The following ZKSCAN1 variants were observed in gnomAD, a reference collection of about 807,000 sequenced individuals.
The protein encoded by ZKSCAN1 is zinc finger protein with KRAB and SCAN domains 1.
In ZKSCAN1, 14 loss-of-function variants were observed where a neutral mutation model predicts 51.6. That is an observed-to-expected ratio of 0.27 (90% CI 0.18 to 0.42). ZKSCAN1 has a LOEUF of 0.42. Among genes scored for constraint, ZKSCAN1 ranks in the 10% least tolerant of loss-of-function variants. ZKSCAN1 has a pLI of 1.00. For missense variants in ZKSCAN1, 531 were observed against 710.0 expected, an observed-to-expected ratio of 0.75 and a Z score of 2.86; for synonymous variants, 263 against 261.5, an observed-to-expected ratio of 1.01 and a Z score of -0.06.
Position 100,036,233 on chromosome 7 carries a change from T to A in ZKSCAN1, c.*2036T>A, listed in dbSNP as rs573837720. ...CATCAGCATTACTTGGGAAAACGTG[T>A]TGCAAGTCAACCAGTCACTAGGATA... is the stretch of plus-strand genomic sequence containing the variant. On this transcript the variant is annotated 3_prime_UTR_variant, in exon 6 of 6. Coordinates refer to ENST00000324306, the MANE Select transcript of ZKSCAN1 (RefSeq NM_003439.4). The A allele has an allele frequency of 1.0e-6, 1 of 985,410 alleles. No individual in the cohort carries two copies. The highest frequency in any genetic ancestry group is 1.7e-5 in the African/African-American group (1 of 57,364). The allele number at this position is 985,410 out of a possible 1,614,324, so 61.0% of individuals were successfully genotyped here.
In ZKSCAN1 at chr7:100,029,616, C is replaced by T. The variant is rs184697996; in HGVS notation, c.581-245C>T. Among the ~76,000 whole-genome samples, 7 of 152,214 alleles carry T rather than the reference C, an allele frequency of 4.6e-5. No individual in the cohort carries two copies. The East Asian group carries it at 1.4e-3, about 29-fold the overall frequency. On this transcript the variant is annotated intron_variant, in intron 3 of 5. Transcript: ENST00000324306. ...GCAGTCTCAGGGACTCAAGTTTCCC[C>T]TTCTTTAAAATAAAAGGGTTGGACC...
chr7:100,043,584 G>A (rs1022515702), downstream of ZKSCAN1, among the ~76,000 whole-genome samples: 1 of 150,988 alleles, frequency 6.6e-6, no homozygotes, highest in Non-Finnish European at 1.5e-5. Context: ...ATGTTGCCCA[G>A]GCTGGTCTCA....
chr7:100,024,143 T>C lies in ZKSCAN1; in HGVS notation c.427-11T>C. On this transcript the variant is annotated splice_polypyrimidine_tract_variant and intron_variant, in intron 2 of 5. Coordinates refer to ENST00000324306, the MANE Select transcript of ZKSCAN1 (RefSeq NM_003439.4). ...GTGATTTACCCACAAGCCCAACCTG[T>C]CTGTCTTCAGGTCCCAGGTCAAGTT... is the stretch of plus-strand genomic sequence containing the variant. 6.2e-7 allele frequency: 1 copy of C among 1,603,742 alleles called. No homozygotes were observed. Among genetic ancestry groups the C allele is most frequent in the Non-Finnish European group, 8.5e-7 (1 of 1,175,274 alleles).
Position 100,033,345 on chromosome 7 carries a change from G to A in ZKSCAN1, c.840G>A (p.Lys280=). 1 of 1,613,260 alleles carries A rather than the reference G, an allele frequency of 6.2e-7. No individual in the cohort carries two copies. The highest frequency in any genetic ancestry group is 8.5e-7 in the Non-Finnish European group (1 of 1,179,822). Residue 280 remains lysine (K), a synonymous_variant, in exon 6 of 6, where the codon AAG becomes AAA. Transcript: ENST00000324306. The surrounding 1 kb of genome is among the most constrained non-coding windows in gnomAD (Gnocchi z 4.1). ...NRNENEESTS[K]AETSEDSASR... ...ATGAGAACGAGGAGTCAACCTCAAAGGCTGAAACCTCGGAAGATTCAGCAT... is the reference window on the plus strand; with the variant it reads ...ATGAGAACGAGGAGTCAACCTCAAAAGCTGAAACCTCGGAAGATTCAGCAT...
rs943481502 is a variant in ZKSCAN1 at position 100,034,156 on chromosome 7, T to C, written c.1651T>C (p.Ser551Pro). 6.5e-7 allele frequency: 1 copy of C among 1,537,330 alleles called. No homozygotes were observed. The highest frequency in any genetic ancestry group is 8.7e-7 in the Non-Finnish European group (1 of 1,148,686). The change falls in exon 6 of 6, where the codon TCC becomes CCC. Residue 551 changes from serine (S) to proline (P), a missense_variant. Ser to Pro is a moderately conservative substitution (Grantham distance 74). Around this residue, in one of 2 missense-constraint regions of ZKSCAN1, gnomAD observed 128 missense variants for 219.5 expected, o/e 0.58. Transcript: ENST00000324306. ...RERASEYSPA[S>P]LDAFGAFLKS... Reference sequence around the variant, plus strand: ...GAGAGCCTCTGAGTACAGCCCAGCCTCCCTTGATGCATTTGGCGCGTTCCT... The same window carrying C: ...GAGAGCCTCTGAGTACAGCCCAGCCCCCCTTGATGCATTTGGCGCGTTCCT...
downstream of ZKSCAN1, among the ~76,000 whole-genome samples, chr7:100,043,575 T>C (rs969695828): frequency 6.6e-6 from 1 of 151,646 alleles, no homozygotes; most frequent in Non-Finnish European, 1.5e-5. Context: ...GGTCTTGCTA[T>C]GTTGCCCAGG....
At chr7:100,015,861 T>A (rs1330778755) in intron 1 of ZKSCAN1, 135 bp downstream of exon 1, 3 of 152,240 alleles carry the variant, frequency 2.0e-5, no homozygotes, top group Non-Finnish European at 2.9e-5. Context: ...TCCATGCCCC[T>A]GCCTCCTGGC....
At chr7:100,044,137 G>A (rs1584361418), downstream of ZKSCAN1, among the ~76,000 whole-genome samples, 1 of 151,992 alleles carries the variant, frequency 6.6e-6, no homozygotes, top group East Asian at 1.9e-4. Context: ...CATCCCCCAG[G>A]CGATGTCTGA....
rs1484595479 is a variant in ZKSCAN1 at position 100,023,777 on chromosome 7, A to G, written c.271A>G (p.Thr91Ala). ...CHQWLRPEIN[T>A]KEQILELLVL... ...TCAGTGGCTGCGGCCAGAAATAAACACCAAGGAACAGATCCTGGAGCTTCT... is the reference window on the plus strand; with the variant it reads ...TCAGTGGCTGCGGCCAGAAATAAACGCCAAGGAACAGATCCTGGAGCTTCT... Residue 91 changes from threonine (T) to alanine (A), a missense_variant, in exon 2 of 6, where the codon ACC (threonine) becomes GCC (alanine). By Grantham distance (58) the Thr-to-Ala change is moderately conservative. Around this residue, in one of 2 missense-constraint regions of ZKSCAN1, gnomAD observed 403 missense variants for 490.5 expected, o/e 0.82. Transcript: ENST00000324306. 1 of 1,614,146 alleles carries G rather than the reference A, an allele frequency of 6.2e-7. No individual in the cohort carries two copies. The highest frequency in any genetic ancestry group is 2.2e-5 in the East Asian group (1 of 44,882).
chr7:100,031,922 T>C (rs956541968), intron 5 of ZKSCAN1, among the ~76,000 whole-genome samples: 3 of 152,054 alleles, frequency 2.0e-5, no homozygotes. Context: ...TACAAAAAAA[T>C]TTAAAAATTA....
chr7:100,034,080 C>A lies in ZKSCAN1; in HGVS notation c.1575C>A (p.Ala525=), dbSNP rs758434214. ...KPYKCTKCGK[A]FTRSSTLTLH... ...ACAAGTGCACTAAGTGTGGCAAGGC[C>A]TTCACCCGCAGCTCCACCCTCACTC... Residue 525 remains alanine (A), a synonymous_variant, in exon 6 of 6, where the codon GCC becomes GCA. Transcript: ENST00000324306. The A allele has an allele frequency of 4.3e-6, 7 of 1,612,940 alleles. No homozygotes were observed. In the African/African-American group the frequency reaches 9.3e-5, roughly 22 times the overall value.
In ZKSCAN1 at chr7:100,037,086, C is replaced by T; in HGVS notation, c.*2889C>T. 1 of 985,396 alleles carries T rather than the reference C, an allele frequency of 1.0e-6. No individual in the cohort carries two copies. Among genetic ancestry groups the T allele is most frequent in the Non-Finnish European group, 1.2e-6 (1 of 829,938 alleles). The allele number at this position is 985,396 out of a possible 1,614,324, so 61.0% of individuals were successfully genotyped here. ...AGGCTACAACTGTTTATTAAAACCA[C>T]TTGCAGTGCATTCGTTTATCAGATG... On this transcript the variant is annotated 3_prime_UTR_variant, in exon 6 of 6. Transcript: ENST00000324306.
intron 1 of ZKSCAN1, among the ~76,000 whole-genome samples, chr7:100,019,957 C>T (rs1447120012): frequency 6.6e-6 from 1 of 152,222 alleles, no homozygotes; most frequent in African/African-American, 2.4e-5. Context: ...TCTGCCTTGG[C>T]CTCCCAAAGT....
chr7:100,018,579 G>A (rs1318450735), intron 1 of ZKSCAN1, among the ~76,000 whole-genome samples: 1 of 151,946 alleles, frequency 6.6e-6, no homozygotes, highest in African/African-American at 2.4e-5. Flanking sequence ...TAGTAGAGAC[G>A]GGGTTTCATC....
intron 3 of ZKSCAN1, among the ~76,000 whole-genome samples, chr7:100,028,995 C>T (rs1405131359): frequency 2.0e-5 from 3 of 151,592 alleles, no homozygotes; most frequent in Non-Finnish European, 2.9e-5. Flanking sequence ...AGAAACCCCG[C>T]CTCTACTAAA....
At chr7:100,042,101 C>G (rs1011498669), downstream of ZKSCAN1, among the ~76,000 whole-genome samples, 45 of 152,210 alleles carry the variant, frequency 3.0e-4, no homozygotes, top group African/African-American at 8.9e-4. Context: ...GGCAGATCAC[C>G]TGAGGCCAGG....
intron 3 of ZKSCAN1, among the ~76,000 whole-genome samples, chr7:100,027,765 A>C (rs1025398726): frequency 2.0e-5 from 3 of 150,240 alleles, no homozygotes; most frequent in Non-Finnish European, 3.0e-5. Context: ...AAAAAAAAAA[A>C]CACCGGTGCA....
chr7:100,033,676 A>G lies in ZKSCAN1; in HGVS notation c.1171A>G (p.Ser391Gly). ...ECGKCFTRSS[S>G]LIRHKIIHTG... ...TGGTAAATGCTTCACGAGAAGTTCA[A>G]GCCTTATCCGCCATAAAATAATCCA... Residue 391 changes from serine (S) to glycine (G), a missense_variant, in exon 6 of 6, where the codon AGC becomes GGC. Around this residue, in one of 2 missense-constraint regions of ZKSCAN1, gnomAD observed 128 missense variants for 219.5 expected, o/e 0.58. Coordinates refer to ENST00000324306, the MANE Select transcript of ZKSCAN1 (RefSeq NM_003439.4). This position sits in a 1 kb window ranked among gnomAD's most constrained non-coding sequence, Gnocchi z 4.1. 3.7e-6 allele frequency: 6 copies of G among 1,614,238 alleles called. No homozygotes were observed. Among genetic ancestry groups the G allele is most frequent in the Non-Finnish European group, 5.1e-6 (6 of 1,180,044 alleles).
chr7:100,029,287 A>T (rs914933202), intron 3 of ZKSCAN1, among the ~76,000 whole-genome samples: 5 of 151,772 alleles, frequency 3.3e-5, no homozygotes, highest in African/African-American at 9.7e-5. Context: ...TTTCATTGAG[A>T]CGGGGTCTCA....
Sources: gnomAD v4.1 joint callset for allele counts (sites outside exome capture counted in the v4.1 genomes callset) on GRCh38, gnomAD v4.1.1 for gene constraint, gnomAD v4.1.1 regional missense constraint, Gnocchi (gnomAD v3.1) non-coding constraint, MANE v1.5 for transcripts, NCBI Gene and HGNC (gene_info 2026-07-23, HGNC 2026-07-21) for gene names.